Variants in SAMM50 observed in about 807,000 individuals in gnomAD.
SAMM50 encodes SAMM50 sorting and assembly machinery component.
In SAMM50, 47 loss-of-function variants were observed where a neutral mutation model predicts 66.9. The ratio of observed to expected loss-of-function variants is 0.70; its 90% CI spans 0.56 to 0.90. The LOEUF (loss-of-function observed/expected upper bound fraction) is 0.90. SAMM50 is among the 40% of genes least tolerant of loss of function. The probability of loss-of-function intolerance (pLI) is 0.00; values close to 1 mark genes in which losing one functional copy is unlikely to be tolerated. For missense variants in SAMM50, 535 were observed against 595.3 expected (o/e 0.90, Z 1.05); for synonymous variants, 191 against 214.1 (o/e 0.89, Z 0.94).
At chr22:43,968,235 AAAAAAAAAAAAAGAAAAAAGAAAAAAAG>A (rs1422220491) in intron 3 of SAMM50, among the ~76,000 whole-genome samples, 1 of 146,076 alleles carries the variant, frequency 6.8e-6, no homozygotes, top group African/African-American at 2.7e-5. Flanking sequence ...TCAAAAAAAA[AAAAAAAAAAAAAGAAAAAAGAAAAAAAG>A]AAAAAAAAAG....
At chr22:43,976,850 AG>A in intron 9 of SAMM50, 29 bp downstream of exon 9, 9 of 1,347,844 alleles carry the variant, frequency 6.7e-6, no homozygotes, top group Non-Finnish European at 9.0e-6. Flanking sequence ...TGACCCCTGC[AG>A]GGTGAGGGGA....
intron 10 of SAMM50, among the ~76,000 whole-genome samples, chr22:43,980,122 A>AC (rs2050255799): frequency 9.7e-6 from 1 of 103,264 alleles, no homozygotes; most frequent in African/African-American, 3.5e-5. Flanking sequence ...CCACCCACCC[A>AC]CCTACCCACC....
intron 4 of SAMM50, 94 bp from the exon 5 acceptor site, chr22:43,972,142 G>T: frequency 3.1e-6 from 2 of 639,762 alleles, no homozygotes; most frequent in South Asian, 2.6e-5. Flanking sequence ...AAAATAGAAT[G>T]AACCTTCAGA....
rs2050115874 is a variant in SAMM50 at position 43,955,743 on chromosome 22, A to C, written c.21+145A>C. 3 of 839,320 alleles carry C rather than the reference A, an allele frequency of 3.6e-6. No homozygotes were observed. The African/African-American group carries it at 5.2e-5, about 15-fold the overall frequency. The allele number at this position is 839,320 out of a possible 1,614,324, so 52.0% of individuals were successfully genotyped here. On this transcript the variant is annotated intron_variant, in intron 1 of 14. Transcript: ENST00000350028. Reference sequence around the variant, plus strand: ...TGCCGGGCTGGGTGGAGGAGGCCGAAAAGAGGTCGCCTCGGGCCAGCGAGT... The same window carrying C: ...TGCCGGGCTGGGTGGAGGAGGCCGACAAGAGGTCGCCTCGGGCCAGCGAGT...
At chr22:43,974,125 G>A (rs1233035910) in intron 7 of SAMM50, among the ~76,000 whole-genome samples, 2 of 151,972 alleles carry the variant, frequency 1.3e-5, no homozygotes, top group African/African-American at 4.8e-5. Context: ...TGTAAGAGTC[G>A]TTCCCCACAT....
chr22:43,990,536 T>G (rs201250044), intron 14 of SAMM50, 130 bp downstream of exon 14: 1 of 985,566 alleles, frequency 1.0e-6, no homozygotes, highest in East Asian at 2.4e-5. Context: ...AGTTGCAAAA[T>G]AATGAAAACA....
At position 43,971,682 on chromosome 22, in the gene SAMM50, A is replaced by G. The variant is rs542576780; in HGVS notation, c.323-554A>G. Reference sequence around the variant, plus strand: ...ATGCTGCTTATAGTTATCTCCTTGTAGCAAAGGTAGATTGTTTTTGTTTTT... The same window carrying G: ...ATGCTGCTTATAGTTATCTCCTTGTGGCAAAGGTAGATTGTTTTTGTTTTT... On this transcript the variant is annotated intron_variant, in intron 4 of 14. Transcript: ENST00000350028. 7.2e-5 allele frequency among the ~76,000 whole-genome samples: 11 copies of G among 152,208 alleles called. No individual in the cohort carries two copies. The South Asian group carries it at 2.3e-3, about 32-fold the overall frequency.
At chr22:43,963,968 C>T (rs1248364652) in intron 2 of SAMM50, among the ~76,000 whole-genome samples, 1 of 151,532 alleles carries the variant, frequency 6.6e-6, no homozygotes. Flanking sequence ...AGTGCAGCGG[C>T]ACAATCTTGG....
rs2050227758 is a variant in SAMM50, at chr22:43,975,712, G to A, written c.649-343G>A. 4 of 198,180 alleles carry A rather than the reference G, an allele frequency of 2.0e-5. No homozygotes were observed. The South Asian group carries it at 3.7e-4, about 18-fold the overall frequency. The allele number at this position is 198,180 out of a possible 1,614,324, so 12.3% of individuals were successfully genotyped here. ...TTTGCGCCATCAGATCATCTTAGGT[G>A]TCTTACCCATTACAAAGAAGTGGGA... On this transcript the variant is annotated intron_variant, in intron 7 of 14. Coordinates refer to ENST00000350028, the MANE Select transcript of SAMM50 (RefSeq NM_015380.5).
intron 11 of SAMM50, among the ~76,000 whole-genome samples, chr22:43,982,225 A>G (rs971895180): frequency 6.6e-6 from 1 of 152,240 alleles, no homozygotes; most frequent in Non-Finnish European, 1.5e-5. Flanking sequence ...ACAAAACTCC[A>G]TGAATCTAAT....
At chr22:43,981,903 G>A (rs1314594724) in intron 11 of SAMM50, among the ~76,000 whole-genome samples, 1 of 152,034 alleles carries the variant, frequency 6.6e-6, no homozygotes, top group Non-Finnish European at 1.5e-5. Context: ...TGTGATTTTT[G>A]TAAATAACAT....
At chr22:43,958,253 G>A (rs987241875) in intron 1 of SAMM50, among the ~76,000 whole-genome samples, 5 of 152,092 alleles carry the variant, frequency 3.3e-5, no homozygotes, top group African/African-American at 1.2e-4. Flanking sequence ...TTACATTTTG[G>A]CTTGTTTTGG....
In SAMM50 at chr22:43,972,324, A is replaced by G. The variant is rs3177036; in HGVS notation, c.411A>G (p.Gly137=). ...RLTGSYNTMV[G]NNEGSMVLGL... The stretch of plus-strand genomic sequence containing the variant: ...CGGGCAGTTATAACACCATGGTTGG[A>G]AACAATGAAGGCAGTATGGTATGCT... Residue 137 remains glycine, a synonymous_variant, in exon 5 of 15, where the codon GGA becomes GGG. Coordinates refer to ENST00000350028, the MANE Select transcript of SAMM50 (RefSeq NM_015380.5). The G allele has an allele frequency of 0.53, 843,951 of 1,588,460 alleles. 230,729 individuals carry two copies. Among genetic ancestry groups the G allele is most frequent in the East Asian group, 0.85 (37,653 of 44,430 alleles).
At chr22:43,989,870 G>A (rs964126211) in intron 13 of SAMM50, among the ~76,000 whole-genome samples, 6 of 152,206 alleles carry the variant, frequency 3.9e-5, no homozygotes, top group South Asian at 2.1e-4. Flanking sequence ...TCCTCAGGGA[G>A]TTCAGGTCCA....
chr22:43,968,908 G>A lies in SAMM50; in HGVS notation c.322+90G>A, dbSNP rs112824361. 1.0e-5 allele frequency: 9 copies of A among 862,082 alleles called. No homozygotes were observed. In the East Asian group the frequency reaches 1.5e-4, roughly 14 times the overall value. The allele number at this position is 862,082 out of a possible 1,614,324, so 53.4% of individuals were successfully genotyped here. A position where few individuals can be genotyped will look rare whatever the true frequency, so the allele number is the denominator to read the frequency against. ...TGGCCAGATGCAGATCTGGGCAGCA[G>A]AGCACTGCTCCCTGCTGTGTAGAAC... On this transcript the variant is annotated intron_variant, in intron 4 of 14. Coordinates refer to ENST00000350028, the MANE Select transcript of SAMM50 (RefSeq NM_015380.5).
chr22:43,994,928 A>T (rs1395300174), intron 14 of SAMM50, among the ~76,000 whole-genome samples: 1 of 152,206 alleles, frequency 6.6e-6, no homozygotes, highest in Non-Finnish European at 1.5e-5. Flanking sequence ...TCTGAATTAC[A>T]TATGCCAAGA....
chr22:43,967,446 C>A (rs2050179201), intron 3 of SAMM50, among the ~76,000 whole-genome samples: 1 of 152,216 alleles, frequency 6.6e-6, no homozygotes, highest in Admixed American at 6.5e-5. Context: ...TCAGTAGCTT[C>A]TTTCTTAGCC....
At chr22:43,987,017 G>C (rs1480395888) in intron 12 of SAMM50, 1 of 152,170 alleles carries the variant, frequency 6.6e-6, no homozygotes, top group Admixed American at 6.5e-5. Flanking sequence ...TTAAGTTTTT[G>C]ATGGTTTTAT....
intron 12 of SAMM50, chr22:43,987,736 A>C (rs2050301668): frequency 6.6e-6 from 1 of 152,216 alleles, no homozygotes; most frequent in South Asian, 2.1e-4. Context: ...ATGATAAAGG[A>C]CTTAGAAACC....
Sources: allele counts gnomAD v4.1 joint callset (sites outside exome capture counted in the v4.1 genomes callset), GRCh38; gene constraint gnomAD v4.1.1; transcripts MANE v1.5; gene names NCBI Gene and HGNC (gene_info 2026-07-23, HGNC 2026-07-21).